The following MAP7 variants were observed in gnomAD, a reference collection of about 807,000 sequenced individuals.
The protein encoded by MAP7 is microtubule associated protein 7.
A neutral mutation model predicts 94.8 loss-of-function variants in MAP7; 52 were observed. The observed-to-expected ratio is 0.55, with a 90% CI of 0.44 to 0.69. The LOEUF (loss-of-function observed/expected upper bound fraction) is 0.69. Ranked by LOEUF, MAP7 falls within the 30% of genes least tolerant of loss-of-function variation. MAP7 has a pLI of 0.00. For missense variants in MAP7, 940 were observed against 964.6 expected (o/e 0.97, Z 0.34); for synonymous variants, 350 against 357.0 (o/e 0.98, Z 0.22).
chr6:136,404,973 A>G (rs561668700), intron 3 of MAP7, among the ~76,000 whole-genome samples: 1 of 152,362 alleles, frequency 6.6e-6, no homozygotes, highest in African/African-American at 2.4e-5. Context: ...GGAAAATTTA[A>G]GGACTATCCT....
chr6:136,547,794 A>G (rs1829845772), intron 1 of MAP7, among the ~76,000 whole-genome samples: 1 of 152,080 alleles, frequency 6.6e-6, no homozygotes, highest in African/African-American at 2.4e-5. Flanking sequence ...GCCACACGCC[A>G]CCACTGTCAA....
rs189009318 is a variant in MAP7, at chr6:136,481,135, A to T, written c.68-59336T>A. On this transcript the variant is annotated intron_variant, in intron 1 of 17. Coordinates refer to ENST00000354570, the MANE Select transcript of MAP7 (RefSeq NM_003980.6). ...CAGGCAATAACAAATGCTGGTGAGG[A>T]TGTAGAGAAAAGGAAACCCTTGTAC... is the stretch of plus-strand genomic sequence containing the variant. Among the ~76,000 whole-genome samples the T allele has an allele frequency of 2.3e-4, 35 of 152,328 alleles. No homozygotes were observed. The East Asian group carries it at 3.3e-3, about 14-fold the overall frequency.
intron 1 of MAP7, among the ~76,000 whole-genome samples, chr6:136,475,685 T>C (rs1810643118): frequency 6.6e-6 from 1 of 152,230 alleles, no homozygotes; most frequent in Non-Finnish European, 1.5e-5. Flanking sequence ...TAATTAGTTA[T>C]GAAAGGTGTA....
chr6:136,515,043 T>C (rs1310536426), intron 1 of MAP7, among the ~76,000 whole-genome samples: 1 of 152,230 alleles, frequency 6.6e-6, no homozygotes, highest in African/African-American at 2.4e-5. Context: ...TTTAGTGAAC[T>C]CACCTTCATC....
At chr6:136,393,530 C>T (rs1285606314) in intron 3 of MAP7, among the ~76,000 whole-genome samples, 1 of 152,148 alleles carries the variant, frequency 6.6e-6, no homozygotes. Flanking sequence ...TTTGGAGAAA[C>T]GCTGTACTCT....
intron 1 of MAP7, among the ~76,000 whole-genome samples, chr6:136,507,475 C>CA (rs10711278): frequency 0.2 from 17,421 of 86,924 alleles, 1,249 homozygotes; most frequent in Non-Finnish European, 0.27. Flanking sequence ...AGAAGATTCT[C>CA]AAAAAAAAAA....
intron 1 of MAP7, among the ~76,000 whole-genome samples, chr6:136,530,013 C>T (rs534108295): frequency 5.9e-5 from 9 of 152,152 alleles, no homozygotes; most frequent in Non-Finnish European, 1.3e-4. Flanking sequence ...CATACACATA[C>T]GCACACATAG....
chr6:136,356,578 T>C, intron 16 of MAP7, 114 bp downstream of exon 16: 1 of 769,876 alleles, frequency 1.3e-6, no homozygotes, highest in Non-Finnish European at 2.1e-6. Flanking sequence ...CAACCAAAAA[T>C]CAATGAGGCC....
At chr6:136,375,836 G>C (rs1775959695) in intron 7 of MAP7, among the ~76,000 whole-genome samples, 1 of 152,176 alleles carries the variant, frequency 6.6e-6, no homozygotes, top group African/African-American at 2.4e-5. Context: ...TAAAGAGCCG[G>C]TTTGCAGATA....
chr6:136,386,812 T>C (rs1430092130), intron 5 of MAP7, among the ~76,000 whole-genome samples: 1 of 152,208 alleles, frequency 6.6e-6, no homozygotes, highest in East Asian at 1.9e-4. Context: ...ATTTTTAATT[T>C]TTTAAATTAC....
chr6:136,508,927 C>A (rs543002641), intron 1 of MAP7, among the ~76,000 whole-genome samples: 59 of 152,302 alleles, frequency 3.9e-4, no homozygotes, highest in African/African-American at 1.4e-3. Flanking sequence ...ATTCAAGAAA[C>A]ACCATTTAAT....
intron 16 of MAP7, among the ~76,000 whole-genome samples, chr6:136,350,640 G>A (rs1317933254): frequency 1.3e-5 from 2 of 152,198 alleles, no homozygotes; most frequent in Admixed American, 6.5e-5. Context: ...AAGGCCAGAG[G>A]CCAAGAGTTT....
In MAP7 at chr6:136,409,579, C is replaced by T. The variant is rs538024633; in HGVS notation, c.244+2041G>A. ...TTTTTCCACCTGTTCTTGCACATTG[C>T]TGTATAATGCCTGCTCTTCTATCCC... On this transcript the variant is annotated intron_variant, in intron 3 of 17. Coordinates refer to ENST00000354570, the MANE Select transcript of MAP7 (RefSeq NM_003980.6). 9.2e-5 allele frequency among the ~76,000 whole-genome samples: 14 copies of T among 152,360 alleles called. No homozygotes were observed. In the South Asian group the frequency reaches 2.9e-3, roughly 32 times the overall value.
chr6:136,425,256 C>T (rs554615796), intron 1 of MAP7, among the ~76,000 whole-genome samples: 11 of 152,252 alleles, frequency 7.2e-5, no homozygotes, highest in African/African-American at 1.7e-4. Context: ...TACAACTGAC[C>T]GTAACTGAAA....
intron 17 of MAP7, among the ~76,000 whole-genome samples, chr6:136,345,136 C>T (rs1209086456): frequency 6.6e-6 from 1 of 152,150 alleles, no homozygotes. Context: ...GCTGCTATGA[C>T]CACTGAGTTA....
At chr6:136,410,962 G>A (rs1413222500) in intron 3 of MAP7, among the ~76,000 whole-genome samples, 1 of 152,176 alleles carries the variant, frequency 6.6e-6, no homozygotes, top group Non-Finnish European at 1.5e-5. Context: ...TTTCAAGAGA[G>A]TATCCTGTTT....
At chr6:136,404,369 G>A (rs1247800144) in intron 3 of MAP7, among the ~76,000 whole-genome samples, 1 of 150,812 alleles carries the variant, frequency 6.6e-6, no homozygotes, top group Non-Finnish European at 1.5e-5. Context: ...TGATTAGAAG[G>A]CAAAGGAAGC....
intron 1 of MAP7, among the ~76,000 whole-genome samples, chr6:136,523,696 C>A (rs1049273956): frequency 1.3e-5 from 2 of 152,038 alleles, no homozygotes; most frequent in African/African-American, 4.8e-5. Context: ...GGATTTTTTT[C>A]TCCCAGTATT....
At chr6:136,371,340 C>T (rs145870813) in intron 8 of MAP7, among the ~76,000 whole-genome samples, 111 of 152,306 alleles carry the variant, frequency 7.3e-4, no homozygotes, top group African/African-American at 2.5e-3. Flanking sequence ...TGTTTAACTA[C>T]GGCTTTCTGT....
Sources: allele counts gnomAD v4.1 joint callset (sites outside exome capture counted in the v4.1 genomes callset), GRCh38; gene constraint gnomAD v4.1.1; transcripts MANE v1.5; gene names NCBI Gene and HGNC (gene_info 2026-07-23, HGNC 2026-07-21).